The following MAP2K6 variants were observed in gnomAD, a reference collection of about 807,000 sequenced individuals.
MAP2K6 encodes dual specificity mitogen-activated protein kinase kinase 6.
In MAP2K6, 16 loss-of-function variants were observed where a neutral mutation model predicts 53.7. The observed-to-expected ratio is 0.30, with a 90% CI of 0.20 to 0.45. MAP2K6 has a LOEUF of 0.45. MAP2K6 is among the 20% of genes least tolerant of loss of function. MAP2K6 has a pLI of 1.00. For missense variants in MAP2K6, 204 were observed against 411.9 expected (o/e 0.50, Z 4.37); for synonymous variants, 132 against 143.1 (o/e 0.92, Z 0.55).
intron 5 of MAP2K6, chr17:69,520,007 G>A (rs150793194): frequency 2.5e-6 from 1 of 402,702 alleles, no homozygotes; most frequent in African/African-American, 2.1e-5. Context: ...GCTTATGTCT[G>A]TTAGTAATTA....
chr17:69,472,610 A>T (rs1341221139), intron 1 of MAP2K6, among the ~76,000 whole-genome samples: 2 of 152,218 alleles, frequency 1.3e-5, no homozygotes, highest in African/African-American at 4.8e-5. Context: ...CATCCTGTCC[A>T]GGTTGGGTCC....
At chr17:69,430,228 C>G (rs1806958) in intron 1 of MAP2K6, among the ~76,000 whole-genome samples, 3 of 151,792 alleles carry the variant, frequency 2.0e-5, no homozygotes, top group African/African-American at 7.3e-5. Flanking sequence ...CTCAGCTACT[C>G]GGGAGGCTGA....
intron 1 of MAP2K6, among the ~76,000 whole-genome samples, chr17:69,456,006 G>A (rs533251672): frequency 5.5e-4 from 84 of 151,994 alleles, no homozygotes; most frequent in African/African-American, 1.9e-3. Context: ...GATTACAGGC[G>A]CGTGCCACAA....
At chr17:69,461,852 C>A (rs1385971267) in intron 1 of MAP2K6, among the ~76,000 whole-genome samples, 1 of 152,206 alleles carries the variant, frequency 6.6e-6, no homozygotes. Flanking sequence ...GTCAATCACA[C>A]ATTACCAAAT....
chr17:69,490,010 G>A (rs78293561), intron 1 of MAP2K6, among the ~76,000 whole-genome samples: 3,833 of 152,304 alleles, frequency 0.025, 167 homozygotes, highest in African/African-American at 0.084. Context: ...TTAAACTGAG[G>A]TTTTCCAGGT....
chr17:69,530,509 G>C (rs776873632), intron 10 of MAP2K6, among the ~76,000 whole-genome samples: 6 of 152,100 alleles, frequency 3.9e-5, no homozygotes, highest in African/African-American at 2.4e-5. Context: ...TAGTCATTTT[G>C]TTGGTATGGG....
chr17:69,423,366 G>C (rs1487741989), intron 1 of MAP2K6, among the ~76,000 whole-genome samples: 6 of 152,158 alleles, frequency 3.9e-5, no homozygotes, highest in Non-Finnish European at 8.8e-5. Flanking sequence ...TGTTTTCCAT[G>C]GCTGCTCTTT....
chr17:69,538,884 A>G (rs1280043876), intron 11 of MAP2K6, among the ~76,000 whole-genome samples: 1 of 152,198 alleles, frequency 6.6e-6, no homozygotes, highest in Non-Finnish European at 1.5e-5. Flanking sequence ...GCTGTTTACA[A>G]TGGCTTAATT....
chr17:69,502,424 G>A (rs1397309555), intron 1 of MAP2K6: 10 of 985,324 alleles, frequency 1.0e-5, no homozygotes, highest in South Asian at 4.7e-5. Flanking sequence ...GCAAGTAAGC[G>A]AACTGCAGAG....
chr17:69,465,306 A>C (rs1029365245), intron 1 of MAP2K6, among the ~76,000 whole-genome samples: 5 of 151,994 alleles, frequency 3.3e-5, no homozygotes, highest in Non-Finnish European at 5.9e-5. Flanking sequence ...ATGCTCTATA[A>C]ATCTATAAGT....
At chr17:69,506,163 G>A (rs1215247187) in intron 2 of MAP2K6, among the ~76,000 whole-genome samples, 1 of 152,202 alleles carries the variant, frequency 6.6e-6, no homozygotes, top group African/African-American at 2.4e-5. Context: ...GTAGATTGGA[G>A]CAAACAGGCA....
At chr17:69,495,642 T>TC (rs1908918917) in intron 1 of MAP2K6, among the ~76,000 whole-genome samples, 1 of 152,114 alleles carries the variant, frequency 6.6e-6, no homozygotes, top group South Asian at 2.1e-4. Flanking sequence ...CTATTTTATC[T>TC]GTATCTCTAT....
intron 2 of MAP2K6, among the ~76,000 whole-genome samples, chr17:69,516,173 A>G (rs942416278): frequency 1.1e-4 from 17 of 152,024 alleles, no homozygotes; most frequent in African/African-American, 3.9e-4. Flanking sequence ...ACAACTCACC[A>G]TAATGTAGAA....
At chr17:69,485,479 G>C in intron 1 of MAP2K6, 1 of 982,862 alleles carries the variant, frequency 1.0e-6, no homozygotes, top group Non-Finnish European at 1.2e-6. Flanking sequence ...CACTGTTAGA[G>C]TACTGGGTAA....
chr17:69,473,811 G>A (rs935388595), intron 1 of MAP2K6, among the ~76,000 whole-genome samples: 2 of 152,130 alleles, frequency 1.3e-5, no homozygotes, highest in African/African-American at 4.8e-5. Context: ...TATTTTCAAG[G>A]TGTTATTGAT....
chr17:69,513,508 TC>T (rs1444887040), intron 2 of MAP2K6, among the ~76,000 whole-genome samples: 1 of 152,162 alleles, frequency 6.6e-6, no homozygotes. Flanking sequence ...ACCAGACCCT[TC>T]TATTAGGTTC....
At chr17:69,430,429 C>G (rs760671007) in intron 1 of MAP2K6, among the ~76,000 whole-genome samples, 1 of 152,184 alleles carries the variant, frequency 6.6e-6, no homozygotes, top group Non-Finnish European at 1.5e-5. Context: ...CTGCAGAATC[C>G]AGGCAATCAT....
At chr17:69,524,494 G>A (rs185626103) in intron 8 of MAP2K6, among the ~76,000 whole-genome samples, 1 of 151,414 alleles carries the variant, frequency 6.6e-6, no homozygotes, top group East Asian at 1.9e-4. Context: ...CTTCCTGTCT[G>A]TGTTTAGCTA....
chr17:69,430,875 T>G (rs2145137030), intron 1 of MAP2K6, among the ~76,000 whole-genome samples: 1 of 152,312 alleles, frequency 6.6e-6, no homozygotes, highest in South Asian at 2.1e-4. Context: ...ACGCAAGTGC[T>G]AGAGGAAGGG....
Sources: gnomAD v4.1 joint callset for allele counts (sites outside exome capture counted in the v4.1 genomes callset) on GRCh38, gnomAD v4.1.1 for gene constraint, MANE v1.5 for transcripts, NCBI Gene and HGNC (gene_info 2026-07-23, HGNC 2026-07-21) for gene names.